TPST1: variants seen among roughly 807,000 people sequenced by gnomAD.
TPST1 encodes tyrosylprotein sulfotransferase 1, also known as protein-tyrosine sulfotransferase 1.
Under a neutral mutation model 34.8 loss-of-function variants are expected in TPST1, and 20 were observed. The ratio of observed to expected loss-of-function variants is 0.57; its 90% CI spans 0.40 to 0.84. The LOEUF is 0.84. Ranked by LOEUF, TPST1 falls within the 40% of genes least tolerant of loss-of-function variation. TPST1 has a pLI of 0.00. For missense variants in TPST1, 353 were observed against 455.5 expected, an observed-to-expected ratio of 0.78 and a Z score of 2.05; for synonymous variants, 152 against 159.4, an observed-to-expected ratio of 0.95 and a Z score of 0.35.
Position 66,210,331 on chromosome 7 carries a change from G to A in TPST1, c.-102+4809G>A, listed in dbSNP as rs550186152. Among the ~76,000 whole-genome samples the A allele has an allele frequency of 1.2e-4, 19 of 152,314 alleles. 1 individual carries two copies. In the South Asian group the frequency reaches 1.4e-3, roughly 12 times the overall value. The stretch of plus-strand genomic sequence containing the variant: ...ATAACATCTTGATGCCCAGGAAATC[G>A]CCTGAGAGAGCAGTTGGCCCTAAAG... On this transcript the variant is annotated intron_variant, in intron 1 of 5. Transcript: ENST00000304842.
intron 2 of TPST1, among the ~76,000 whole-genome samples, chr7:66,279,729 C>T (rs908572450): frequency 1.3e-5 from 2 of 152,108 alleles, no homozygotes; most frequent in Non-Finnish European, 2.9e-5. Context: ...AATGAAAATA[C>T]AATACTTATT....
intron 2 of TPST1, among the ~76,000 whole-genome samples, chr7:66,247,423 GAAC>G (rs367697895): frequency 1.2e-4 from 18 of 152,112 alleles, no homozygotes; most frequent in Admixed American, 2.0e-4. Flanking sequence ...GCAAAACTCT[GAAC>G]AACAACAACA....
chr7:66,252,139 G>GCTC (rs1790274984), intron 2 of TPST1, among the ~76,000 whole-genome samples: 2 of 151,472 alleles, frequency 1.3e-5, no homozygotes, highest in South Asian at 4.2e-4. Flanking sequence ...CTCACTGCAA[G>GCTC]CTCCGCCTCC....
rs967165335 is a variant in TPST1 at position 66,206,395 on chromosome 7, C to T, written c.-102+873C>T. ...CACGCATGTTAGCCTCTTCCTCCTT[C>T]CAGGCGTTTTGTACTTTCCAGATGA... On this transcript the variant is annotated intron_variant, in intron 1 of 5. Transcript: ENST00000304842. Among the ~76,000 whole-genome samples, 8 of 152,306 alleles carry T rather than the reference C, an allele frequency of 5.3e-5. No individual in the cohort carries two copies. The South Asian group carries it at 1.5e-3, about 28-fold the overall frequency.
At chr7:66,271,285 A>G (rs1426463504) in intron 2 of TPST1, among the ~76,000 whole-genome samples, 5 of 152,136 alleles carry the variant, frequency 3.3e-5, no homozygotes, top group Admixed American at 3.3e-4. Context: ...AAGATAGTAC[A>G]TGCTCAGCTG....
At chr7:66,354,441 A>T (rs546909252) in intron 4 of TPST1, among the ~76,000 whole-genome samples, 41 of 149,490 alleles carry the variant, frequency 2.7e-4, no homozygotes, top group Non-Finnish European at 5.6e-4. Context: ...CCCCGTCTCT[A>T]CTAAAAATAT....
At chr7:66,331,503 G>A (rs1292334812) in intron 3 of TPST1, among the ~76,000 whole-genome samples, 1 of 152,172 alleles carries the variant, frequency 6.6e-6, no homozygotes, top group Non-Finnish European at 1.5e-5. Context: ...TTACCATGAA[G>A]GGACCAAATC....
chr7:66,263,569 C>T lies in TPST1; in HGVS notation c.845+22299C>T, dbSNP rs1790530727. 2.0e-5 allele frequency among the ~76,000 whole-genome samples: 3 copies of T among 152,168 alleles called. No individual in the cohort carries two copies. The South Asian group carries it at 6.2e-4, about 32-fold the overall frequency. On this transcript the variant is annotated intron_variant, in intron 2 of 5. Coordinates refer to ENST00000304842, the MANE Select transcript of TPST1 (RefSeq NM_003596.4). The stretch of plus-strand genomic sequence containing the variant: ...ACACTTAAAATTGCTCCTCTCGAAC[C>T]CACTCCAGTGTCATAATTACTAACA...
At chr7:66,233,114 A>G (rs1334963533) in intron 1 of TPST1, among the ~76,000 whole-genome samples, 1 of 150,584 alleles carries the variant, frequency 6.6e-6, no homozygotes, top group African/African-American at 2.4e-5. Context: ...ATCCCTTCTC[A>G]GGCATATAAT....
chr7:66,232,152 G>A (rs1321558419), intron 1 of TPST1, among the ~76,000 whole-genome samples: 2 of 150,476 alleles, frequency 1.3e-5, no homozygotes, highest in Admixed American at 6.6e-5. Flanking sequence ...AGAACTGCTT[G>A]ATCACATGGT....
intron 3 of TPST1, among the ~76,000 whole-genome samples, chr7:66,310,774 A>T (rs1001499342): frequency 6.6e-6 from 1 of 151,820 alleles, no homozygotes; most frequent in Non-Finnish European, 1.5e-5. Context: ...GCTACTTCTC[A>T]CTTTATTTCT....
At chr7:66,315,388 G>A (rs1214050511) in intron 3 of TPST1, among the ~76,000 whole-genome samples, 1 of 152,236 alleles carries the variant, frequency 6.6e-6, no homozygotes, top group Non-Finnish European at 1.5e-5. Flanking sequence ...CAGAGGCAAG[G>A]TTGAGACAAA....
At chr7:66,349,808 A>G (rs1792435137) in intron 3 of TPST1, among the ~76,000 whole-genome samples, 2 of 152,172 alleles carry the variant, frequency 1.3e-5, no homozygotes, top group East Asian at 1.9e-4. Context: ...TGGTAAAAAC[A>G]AAAACAACAA....
chr7:66,272,136 TG>T (rs1327280030), intron 2 of TPST1, among the ~76,000 whole-genome samples: 1 of 152,096 alleles, frequency 6.6e-6, no homozygotes, highest in Non-Finnish European at 1.5e-5. Flanking sequence ...CAATTTCTTC[TG>T]GGGGAAAAAA....
At chr7:66,331,038 C>T (rs1791986240) in intron 3 of TPST1, among the ~76,000 whole-genome samples, 1 of 152,180 alleles carries the variant, frequency 6.6e-6, no homozygotes. Context: ...TCATCCAAGG[C>T]TCAGCTGGGA....
chr7:66,337,768 A>T (rs576878435), intron 3 of TPST1, among the ~76,000 whole-genome samples: 1 of 152,362 alleles, frequency 6.6e-6, no homozygotes, highest in Non-Finnish European at 1.5e-5. Flanking sequence ...TTAAGTGATT[A>T]TCAGTTTAAA....
At chr7:66,296,676 G>GTTTTT (rs55888171) in intron 3 of TPST1, among the ~76,000 whole-genome samples, 24,304 of 91,174 alleles carry the variant, frequency 0.27, 2,958 homozygotes, top group Non-Finnish European at 0.33. Context: ...TACTGGGTTG[G>GTTTTT]TTTTTTTTTT....
chr7:66,343,993 C>T lies in TPST1; in HGVS notation c.1045-8512C>T, dbSNP rs79122727. 7.6e-3 allele frequency among the ~76,000 whole-genome samples: 1,152 copies of T among 152,246 alleles called. 17 individuals carry two copies. The highest frequency in any genetic ancestry group is 0.026 in the African/African-American group (1,084 of 41,532). On this transcript the variant is annotated intron_variant, in intron 3 of 5. Transcript: ENST00000304842. Reference sequence around the variant, plus strand: ...AACAGAAATGAAGAATGCCCTTGGACTTATTGATAGAGTGGAAAGGACAAT... The same window carrying T: ...AACAGAAATGAAGAATGCCCTTGGATTTATTGATAGAGTGGAAAGGACAAT...
intron 1 of TPST1, among the ~76,000 whole-genome samples, chr7:66,213,833 T>C (rs1789329696): frequency 6.6e-6 from 1 of 152,200 alleles, no homozygotes; most frequent in Admixed American, 6.5e-5. Context: ...CATCTGTTAA[T>C]TGTCTTTTCT....
Sources: gnomAD v4.1 joint callset for allele counts (sites outside exome capture counted in the v4.1 genomes callset) on GRCh38, gnomAD v4.1.1 for gene constraint, MANE v1.5 for transcripts, NCBI Gene and HGNC (gene_info 2026-07-23, HGNC 2026-07-21) for gene names.